Variants in EP300 observed in about 807,000 individuals in gnomAD.
The protein encoded by EP300 is histone acetyltransferase p300.
In EP300, 31 loss-of-function variants were observed where a neutral mutation model predicts 264.0. The observed-to-expected ratio is 0.12, with a 90% CI of 0.09 to 0.16. The LOEUF (loss-of-function observed/expected upper bound fraction) is 0.16. Among genes scored for constraint, EP300 ranks in the 10% least tolerant of loss-of-function variants. The pLI is 1.00. For synonymous variants in EP300, 1,340 were observed against 1,045.4 expected (o/e 1.28, Z -5.44); for missense variants, 2,766 against 3,052.9 (o/e 0.91, Z 2.21).
intron 16 of EP300, 149 bp downstream of exon 16, chr22:41,152,499 C>A: frequency 7.7e-6 from 6 of 783,318 alleles, no homozygotes; most frequent in South Asian, 1.9e-5. Flanking sequence ...TTCATTGTTA[C>A]TAATAATTTT....
At chr22:41,118,162 G>A (rs777314498) in intron 2 of EP300, among the ~76,000 whole-genome samples, 10 of 152,142 alleles carry the variant, frequency 6.6e-5, no homozygotes, top group South Asian at 4.1e-4. Context: ...TCTTCAGATG[G>A]ATACTCCATT....
chr22:41,159,697 CAG>C (rs2059097266), intron 19 of EP300: 1 of 152,058 alleles, frequency 6.6e-6, no homozygotes, highest in Non-Finnish European at 1.5e-5. Flanking sequence ...TTTGTTGAGA[CAG>C]GGTCTCACTC....
chr22:41,092,823 G>C lies in EP300; in HGVS notation c.-182G>C, dbSNP rs376953291. 19 of 710,122 alleles carry C rather than the reference G, an allele frequency of 2.7e-5. No individual in the cohort carries two copies. Among genetic ancestry groups the C allele is most frequent in the East Asian group, 1.6e-4 (6 of 38,128 alleles). The allele number at this position is 710,122 out of a possible 1,614,324, so 44.0% of individuals were successfully genotyped here. A position where few individuals can be genotyped will look rare whatever the true frequency, so the allele number is the denominator to read the frequency against. ...CGCACTTGCCCTTACCTTTTCTATC[G>C]AGTCCGCATCCCTCTCCAGCCACTG... On this transcript the variant is annotated 5_prime_UTR_variant, in exon 1 of 31. Coordinates refer to ENST00000263253, the MANE Select transcript of EP300 (RefSeq NM_001429.4).
rs1185667868 is a variant in EP300 at position 41,147,940 on chromosome 22, C to CAACCCG, written c.2236_2241dup (p.Asn746_Pro747dup). ...GACAGTTGGCTCAACCTGGAGCTCT[C>CAACCCG]AACCCGGTTAGTTTGACGTCTTTGG... is the stretch of plus-strand genomic sequence containing the variant. On this transcript the variant is annotated inframe_insertion, in exon 12 of 31. Transcript: ENST00000263253. 6.2e-7 allele frequency: 1 copy of CAACCCG among 1,602,246 alleles called. No individual in the cohort carries two copies. Among genetic ancestry groups the CAACCCG allele is most frequent in the Non-Finnish European group, 8.5e-7 (1 of 1,173,614 alleles).
At chr22:41,172,791 A>G (rs1419954185) in intron 28 of EP300, 128 bp downstream of exon 28, 4 of 1,029,712 alleles carry the variant, frequency 3.9e-6, no homozygotes, top group Admixed American at 2.1e-5. Context: ...TGGACAAGAA[A>G]TATTGGCTTA....
chr22:41,130,827 AGAC>A (rs2058914746), intron 5 of EP300, among the ~76,000 whole-genome samples: 2 of 152,028 alleles, frequency 1.3e-5, no homozygotes, highest in Non-Finnish European at 2.9e-5. Context: ...TTAAGAGAAA[AGAC>A]GAGATTAACA....
At position 41,177,335 on chromosome 22, in the gene EP300, C is replaced by T. The variant is rs564190922; in HGVS notation, c.5624C>T (p.Pro1875Leu). The change falls in exon 31 of 31, where the codon CCT becomes CTT. Residue 1875 changes from proline to leucine, a missense_variant. Pro to Leu is a moderately conservative substitution (Grantham distance 98). Coordinates refer to ENST00000263253, the MANE Select transcript of EP300 (RefSeq NM_001429.4). ...TPQTPQPTSQ[P>L]QPTPPNSMPP... ...CAGACGCCCCAGCCCACTTCTCAGC[C>T]TCAGCCTACCCCTCCCAATAGCATG... The T allele has an allele frequency of 3.1e-6, 5 of 1,614,096 alleles. No homozygotes were observed. In the South Asian group the frequency reaches 4.4e-5, roughly 14 times the overall value.
chr22:41,154,080 A>C (rs1161457165), intron 16 of EP300, among the ~76,000 whole-genome samples: 1 of 152,222 alleles, frequency 6.6e-6, no homozygotes, highest in African/African-American at 2.4e-5. Flanking sequence ...AACACATTTG[A>C]ACTTAATTTG....
At chr22:41,169,656 C>G (rs750164611) in intron 26 of EP300, 40 bp downstream of exon 26, 2 of 1,183,290 alleles carry the variant, frequency 1.7e-6, no homozygotes, top group East Asian at 2.3e-5. Flanking sequence ...CTTTAACTAG[C>G]ATGGCATTCT....
At chr22:41,130,444 G>C (rs563310602) in intron 5 of EP300, among the ~76,000 whole-genome samples, 2 of 151,980 alleles carry the variant, frequency 1.3e-5, no homozygotes, top group Non-Finnish European at 2.9e-5. Flanking sequence ...TGAGAGGATT[G>C]CTTGAATCCA....
chr22:41,163,829 G>C (rs1199174688), intron 21 of EP300, among the ~76,000 whole-genome samples: 13 of 152,142 alleles, frequency 8.5e-5, no homozygotes, highest in Admixed American at 6.5e-4. Context: ...CAGGAAAATG[G>C]CTTGAGCCCA....
intron 19 of EP300, chr22:41,160,378 T>G: frequency 7.0e-6 from 3 of 430,382 alleles, no homozygotes. Flanking sequence ...TGTTTTTTTT[T>G]CTCCCTCATG....
Position 41,150,325 on chromosome 22 carries a change from A to G in EP300, c.2817+127A>G, listed in dbSNP as rs116424200. 1,651 of 1,180,568 alleles carry G rather than the reference A, an allele frequency of 1.4e-3. 20 individuals are homozygous for G. The African/African-American group carries it at 0.022, about 15-fold the overall frequency. The allele number at this position is 1,180,568 out of a possible 1,614,324, so 73.1% of individuals were successfully genotyped here. On this transcript the variant is annotated intron_variant, in intron 14 of 30. Transcript: ENST00000263253. The stretch of plus-strand genomic sequence containing the variant: ...TTTCTCCACAAGTAGAATGTAATCT[A>G]TTTTTCATTAGGGACTTTTGTATCC...
intron 20 of EP300, among the ~76,000 whole-genome samples, chr22:41,161,837 G>A (rs1203300830): frequency 6.6e-6 from 1 of 152,118 alleles, no homozygotes; most frequent in Non-Finnish European, 1.5e-5. Flanking sequence ...TTTCTAAATT[G>A]CGTTCTAAAG....
chr22:41,102,302 G>C (rs981955071), intron 1 of EP300, among the ~76,000 whole-genome samples: 6 of 152,136 alleles, frequency 3.9e-5, no homozygotes, highest in African/African-American at 1.4e-4. Context: ...TACGTATATA[G>C]TGGGAGGAAC....
In EP300 at chr22:41,131,632, G is replaced by C. The variant is rs752280089; in HGVS notation, c.1527G>C (p.Met509Ile). ...AAGGCATGCGGCCCATGAGCAACATGAGTAAGTTTGTGTCATCCTAATAAC... is the reference window on the plus strand; with the variant it reads ...AAGGCATGCGGCCCATGAGCAACATCAGTAAGTTTGTGTCATCCTAATAAC... Reference protein sequence around the residue: ...SPQGMRPMSNMSASPMGVNGG... With the variant: ...SPQGMRPMSNISASPMGVNGG... The change falls in exon 6 of 31, where the codon ATG (methionine) becomes ATC (isoleucine). Residue 509 changes from methionine (M) to isoleucine (I), a missense_variant and splice_region_variant. Coordinates refer to ENST00000263253, the MANE Select transcript of EP300 (RefSeq NM_001429.4). 6.2e-6 allele frequency: 10 copies of C among 1,614,088 alleles called. No homozygotes were observed. The highest frequency in any genetic ancestry group is 8.5e-6 in the Non-Finnish European group (10 of 1,180,038).
rs1198330253 is a variant in EP300 at position 41,178,437 on chromosome 22, A to G, written c.6726A>G (p.Ile2242Met). ...QQMQQGNMGQ[I>M]GQLPQALGAE... Reference sequence around the variant, plus strand: ...TGCAACAAGGAAATATGGGACAGATAGGCCAGCTTCCCCAGGCCTTGGGAG... The same window carrying G: ...TGCAACAAGGAAATATGGGACAGATGGGCCAGCTTCCCCAGGCCTTGGGAG... Residue 2242 changes from isoleucine (I) to methionine (M), a missense_variant, in exon 31 of 31, where the codon ATA (isoleucine) becomes ATG (methionine). By Grantham distance (10) the Ile-to-Met change is conservative. Transcript: ENST00000263253. 1 of 1,614,156 alleles carries G rather than the reference A, an allele frequency of 6.2e-7. No homozygotes were observed. The highest frequency in any genetic ancestry group is 2.2e-5 in the East Asian group (1 of 44,874).
intron 1 of EP300, among the ~76,000 whole-genome samples, chr22:41,108,331 C>T (rs1297623714): frequency 6.7e-6 from 1 of 149,998 alleles, no homozygotes; most frequent in East Asian, 2.0e-4. Flanking sequence ...TCGCTGCAAC[C>T]TCAACCTCCT....
Position 41,092,771 on chromosome 22 carries a change from C to T in EP300, c.-234C>T. The T allele has an allele frequency of 3.2e-6, 2 of 624,522 alleles. No homozygotes were observed. Among genetic ancestry groups the T allele is most frequent in the South Asian group, 1.9e-5 (1 of 52,736 alleles). The allele number at this position is 624,522 out of a possible 1,614,324, so 38.7% of individuals were successfully genotyped here. ...CGAATTTGTGCTCTTGTGCCCTCCTCCGGGCTTGGGCCCAGGCCCGGCCCC... is the reference window on the plus strand; with the variant it reads ...CGAATTTGTGCTCTTGTGCCCTCCTTCGGGCTTGGGCCCAGGCCCGGCCCC... On this transcript the variant is annotated 5_prime_UTR_variant, in exon 1 of 31. Transcript: ENST00000263253.
Sources: gnomAD v4.1 joint callset for allele counts (sites outside exome capture counted in the v4.1 genomes callset) on GRCh38, gnomAD v4.1.1 for gene constraint, MANE v1.5 for transcripts, NCBI Gene and HGNC (gene_info 2026-07-23, HGNC 2026-07-21) for gene names.